Variants in PARP16 observed in about 807,000 individuals in gnomAD.
PARP16 encodes the protein poly(ADP-ribose) polymerase family member 16.
In PARP16, 31 loss-of-function variants were observed where a neutral mutation model predicts 35.0. The observed-to-expected ratio is 0.88, with a 90% confidence interval of 0.66 to 1.19. PARP16 has a LOEUF of 1.19. PARP16 is among the 50% of genes most tolerant of loss of function. The pLI is 0.00. For missense variants in PARP16, 424 were observed against 411.2 expected (o/e 1.03, Z -0.27); for synonymous variants, 162 against 169.5 (o/e 0.96, Z 0.34).
At chr15:65,250,673 T>C (rs1158125010) in intron 2 of PARP16, among the ~76,000 whole-genome samples, 1 of 152,166 alleles carries the variant, frequency 6.6e-6, no homozygotes, top group Non-Finnish European at 1.5e-5. Flanking sequence ...CTGGTCTTCC[T>C]GAGGGCCAGG....
intron 3 of PARP16, among the ~76,000 whole-genome samples, chr15:65,236,050 G>C (rs2088871756): frequency 6.6e-6 from 1 of 151,826 alleles, no homozygotes; most frequent in South Asian, 2.1e-4. Flanking sequence ...GTAGAGACAG[G>C]GTTTCATCAT....
At chr15:65,265,588 TC>T (rs1475970579) in intron 3 of PARP16, among the ~76,000 whole-genome samples, 1 of 152,136 alleles carries the variant, frequency 6.6e-6, no homozygotes, top group East Asian at 1.9e-4. Context: ...CCTCGGTGCA[TC>T]TTGGCATATC....
At chr15:65,245,521 G>C (rs2089186728) in intron 3 of PARP16, among the ~76,000 whole-genome samples, 2 of 152,188 alleles carry the variant, frequency 1.3e-5, no homozygotes. Flanking sequence ...CCGCTGCTGT[G>C]GGGTCATGGA....
chr15:65,283,210 G>A (rs1466917829), intron 1 of PARP16, among the ~76,000 whole-genome samples: 1 of 152,120 alleles, frequency 6.6e-6, no homozygotes, highest in African/African-American at 2.4e-5. Context: ...GCTGAGGTGG[G>A]AGAATTGCTT....
chr15:65,248,252 C>A, intron 2 of PARP16: 2 of 456,462 alleles, frequency 4.4e-6, no homozygotes, highest in Middle Eastern at 6.5e-4. Flanking sequence ...AATCACAGAA[C>A]AAGTACTTTA....
intron 4 of PARP16, among the ~76,000 whole-genome samples, chr15:65,262,438 C>T (rs540866853): frequency 4.6e-5 from 7 of 152,328 alleles, no homozygotes; most frequent in African/African-American, 1.7e-4. Context: ...CTGGCCCCAA[C>T]AAGCCAGCTC....
chr15:65,254,006 A>C (rs1233809397), downstream of PARP16, among the ~76,000 whole-genome samples: 2 of 151,828 alleles, frequency 1.3e-5, no homozygotes, highest in African/African-American at 4.8e-5. Flanking sequence ...TTAGTAGAGA[A>C]GGGGTTTCAC....
chr15:65,275,228 C>T (rs893804801), intron 1 of PARP16, among the ~76,000 whole-genome samples: 41 of 152,106 alleles, frequency 2.7e-4, no homozygotes, highest in African/African-American at 9.7e-4. Context: ...GGGGTTGGGA[C>T]CAGCTTCACA....
intron 3 of PARP16, among the ~76,000 whole-genome samples, chr15:65,238,209 G>A (rs1386562071): frequency 2.6e-5 from 4 of 152,078 alleles, no homozygotes; most frequent in African/African-American, 4.8e-5. Context: ...GCTTGAACCC[G>A]GGAGGCAGAG....
At chr15:65,255,743 G>GAAAAA (rs56665485), downstream of PARP16, among the ~76,000 whole-genome samples, 2 of 57,152 alleles carry the variant, frequency 3.5e-5, no homozygotes, top group East Asian at 6.8e-4. Flanking sequence ...AGAAAACTCA[G>GAAAAA]AAAAAAAAAA....
intron 3 of PARP16, among the ~76,000 whole-genome samples, chr15:65,247,176 T>C (rs2089231159): frequency 6.6e-6 from 1 of 151,968 alleles, no homozygotes; most frequent in East Asian, 1.9e-4. Flanking sequence ...AAATTTGTTG[T>C]AGAGACAGGG....
chr15:65,285,472 G>T, intron 1 of PARP16: 1 of 388,380 alleles, frequency 2.6e-6, no homozygotes. Context: ...AATGTTACTT[G>T]TGCAAGTCAG....
At chr15:65,282,358 A>G in intron 1 of PARP16, among the ~76,000 whole-genome samples, 1 of 152,204 alleles carries the variant, frequency 6.6e-6, no homozygotes, top group Non-Finnish European at 1.5e-5. Flanking sequence ...TAACTACAAA[A>G]TGATCTAGCC....
chr15:65,275,114 C>CA (rs768915567), intron 1 of PARP16, among the ~76,000 whole-genome samples: 1,479 of 129,338 alleles, frequency 0.011, 13 homozygotes, highest in Non-Finnish European at 0.015. Context: ...GACCCTGTCT[C>CA]AAAAAAAAAA....
intron 3 of PARP16, among the ~76,000 whole-genome samples, chr15:65,266,187 G>A (rs768306805): frequency 1.6e-4 from 25 of 152,252 alleles, no homozygotes; most frequent in Admixed American, 3.3e-4. Context: ...GATTACAGGC[G>A]TGAGCCACTG....
At chr15:65,261,841 AAAAC>A (rs1309935458) in intron 4 of PARP16, among the ~76,000 whole-genome samples, 1 of 152,196 alleles carries the variant, frequency 6.6e-6, no homozygotes, top group Admixed American at 6.5e-5. Context: ...GACTTGTTTT[AAAAC>A]AAACAAACAA....
chr15:65,269,056 T>C (rs1025404138), intron 2 of PARP16, among the ~76,000 whole-genome samples: 1 of 151,756 alleles, frequency 6.6e-6, no homozygotes, highest in South Asian at 2.1e-4. Context: ...GAGTTTAGTA[T>C]TATTTGGAAT....
At chr15:65,265,063 C>G (rs183426958) in intron 3 of PARP16, among the ~76,000 whole-genome samples, 71 of 152,310 alleles carry the variant, frequency 4.7e-4, no homozygotes, top group African/African-American at 1.6e-3. Flanking sequence ...CCAGTGTAAA[C>G]AAGCCCGTCA....
intron 1 of PARP16, among the ~76,000 whole-genome samples, chr15:65,272,023 C>T (rs1314421991): frequency 5.3e-5 from 8 of 152,232 alleles, no homozygotes; most frequent in Admixed American, 5.2e-4. Flanking sequence ...ATGACATTCT[C>T]ATGAGTGAGA....
Sources: allele counts gnomAD v4.1 joint callset (sites outside exome capture counted in the v4.1 genomes callset), GRCh38; gene constraint gnomAD v4.1.1; transcripts MANE v1.5; gene names NCBI Gene and HGNC (gene_info 2026-07-23, HGNC 2026-07-21).